NME7: variants seen among roughly 807,000 people sequenced by gnomAD.
The protein encoded by NME7 is NME/NM23 family member 7, also known as nucleoside diphosphate kinase 7.
NME7 carries 41 observed loss-of-function variants against 49.1 expected under a neutral mutation model. The observed-to-expected ratio is 0.83, with a 90% CI of 0.65 to 1.08. NME7 has a LOEUF of 1.08. NME7 is among the 50% of genes least tolerant of loss of function. The pLI is 0.00. For missense variants in NME7, 423 were observed against 463.4 expected, an observed-to-expected ratio of 0.91 and a Z score of 0.80; for synonymous variants, 139 against 150.6, an observed-to-expected ratio of 0.92 and a Z score of 0.56.
chr1:169,365,722 C>T (rs1010711856), intron 1 of NME7, among the ~76,000 whole-genome samples: 3 of 152,042 alleles, frequency 2.0e-5, no homozygotes, highest in Admixed American at 6.5e-5. Context: ...TTAAAAATTC[C>T]TTCTTGTGGC....
chr1:169,142,892 A>C (rs935398293), intron 11 of NME7, among the ~76,000 whole-genome samples: 2 of 152,204 alleles, frequency 1.3e-5, no homozygotes, highest in Non-Finnish European at 2.9e-5. Context: ...CAGGTCTCAG[A>C]GGATCAATTA....
At chr1:169,196,622 G>A (rs981537839) in intron 10 of NME7, among the ~76,000 whole-genome samples, 1 of 152,116 alleles carries the variant, frequency 6.6e-6, no homozygotes, top group Non-Finnish European at 1.5e-5. Flanking sequence ...ATTAATAAAG[G>A]CTTGAAATTT....
intron 7 of NME7, among the ~76,000 whole-genome samples, chr1:169,279,992 T>C (rs1480102910): frequency 6.6e-6 from 1 of 152,244 alleles, no homozygotes; most frequent in African/African-American, 2.4e-5. Flanking sequence ...ATGGGATTGC[T>C]GGGCCAAATG....
At chr1:169,337,476 C>G (rs1652527330) in intron 1 of NME7, among the ~76,000 whole-genome samples, 1 of 152,182 alleles carries the variant, frequency 6.6e-6, no homozygotes, top group Non-Finnish European at 1.5e-5. Context: ...CACCTCCCTG[C>G]AAGCTGAGGG....
At chr1:169,304,318 G>A (rs1651092121) in intron 4 of NME7, among the ~76,000 whole-genome samples, 1 of 152,174 alleles carries the variant, frequency 6.6e-6, no homozygotes. Flanking sequence ...ACAAATATAT[G>A]TAAACATTAA....
At chr1:169,351,741 C>G (rs1653181104) in intron 1 of NME7, among the ~76,000 whole-genome samples, 2 of 151,706 alleles carry the variant, frequency 1.3e-5, no homozygotes, top group African/African-American at 4.8e-5. Flanking sequence ...AAAAAGGAAA[C>G]ATTACAAATG....
chr1:169,349,957 G>A (rs984636105), intron 1 of NME7, among the ~76,000 whole-genome samples: 3 of 151,986 alleles, frequency 2.0e-5, no homozygotes, highest in African/African-American at 4.8e-5. Context: ...TTGGGAGGCC[G>A]AGGCAGATGG....
chr1:169,196,725 G>A (rs779920670), intron 10 of NME7, among the ~76,000 whole-genome samples: 2 of 152,134 alleles, frequency 1.3e-5, no homozygotes, highest in Non-Finnish European at 2.9e-5. Context: ...GCTGGTGAGT[G>A]GGAGCAAATC....
intron 1 of NME7, among the ~76,000 whole-genome samples, chr1:169,339,327 G>A (rs1652599079): frequency 6.6e-6 from 1 of 152,092 alleles, no homozygotes; most frequent in Non-Finnish European, 1.5e-5. Context: ...GTAACTCCAG[G>A]ACATGAGTTA....
At chr1:169,173,996 C>T (rs112004987) in intron 10 of NME7, among the ~76,000 whole-genome samples, 9 of 152,226 alleles carry the variant, frequency 5.9e-5, no homozygotes, top group African/African-American at 2.2e-4. Context: ...TTTCAAATTC[C>T]ACAAAATTCC....
Position 169,367,693 on chromosome 1 carries a change from TC to T in NME7, c.3+14del. 1 of 1,614,118 alleles carries T rather than the reference TC, an allele frequency of 6.2e-7. No individual in the cohort carries two copies. The highest frequency in any genetic ancestry group is 1.3e-5 in the African/African-American group (1 of 75,036). ...GGACCCCAGAGCCGTTCTTCTGGCA[TC>T]CCCTGGCACTCACCATTGTCTCAGG... is the stretch of plus-strand genomic sequence containing the variant. On this transcript the variant is annotated intron_variant, in intron 1 of 11. Coordinates refer to ENST00000367811, the MANE Select transcript of NME7 (RefSeq NM_013330.5).
chr1:169,277,257 T>A (rs989906000), intron 7 of NME7, among the ~76,000 whole-genome samples: 5 of 144,080 alleles, frequency 3.5e-5, no homozygotes, highest in African/African-American at 1.3e-4. Context: ...ACTTTCTGTC[T>A]CGTTGATCTG....
chr1:169,298,521 T>G (rs775138829), intron 6 of NME7, 35 bp downstream of exon 6: 1 of 1,594,184 alleles, frequency 6.3e-7, no homozygotes, highest in South Asian at 1.1e-5. Flanking sequence ...TTAACAGAAC[T>G]AGAAGAGCAT....
chr1:169,144,210 C>T (rs192210934), intron 11 of NME7, among the ~76,000 whole-genome samples: 4 of 152,114 alleles, frequency 2.6e-5, no homozygotes, highest in Admixed American at 2.0e-4. Context: ...GACTCCATCT[C>T]AGGAAACAAA....
chr1:169,324,573 T>C, intron 1 of NME7, 73 bp from the exon 2 acceptor site: 3 of 899,256 alleles, frequency 3.3e-6, no homozygotes, highest in South Asian at 1.5e-5. Flanking sequence ...TCACACAAAA[T>C]GAAATTACCA....
At chr1:169,244,622 T>A (rs12066426) in intron 7 of NME7, among the ~76,000 whole-genome samples, 1 of 137,490 alleles carries the variant, frequency 7.3e-6, no homozygotes, top group Non-Finnish European at 1.5e-5. Flanking sequence ...GACCACAGAC[T>A]GAGACTCCAT....
intron 10 of NME7, among the ~76,000 whole-genome samples, chr1:169,211,241 T>A (rs1190655190): frequency 6.6e-6 from 1 of 152,190 alleles, no homozygotes; most frequent in Non-Finnish European, 1.5e-5. Flanking sequence ...ACCACAGCAC[T>A]ATTTATCATG....
intron 7 of NME7, among the ~76,000 whole-genome samples, chr1:169,245,632 C>T (rs1648282200): frequency 6.6e-6 from 1 of 152,022 alleles, no homozygotes; most frequent in Non-Finnish European, 1.5e-5. Flanking sequence ...ATATTAATAA[C>T]CATAACCAAT....
intron 11 of NME7, among the ~76,000 whole-genome samples, chr1:169,145,419 G>A (rs1658719641): frequency 6.6e-6 from 1 of 152,116 alleles, no homozygotes; most frequent in South Asian, 2.1e-4. Context: ...CACTTACTCT[G>A]GTGCTCTTCT....
Sources: allele counts gnomAD v4.1 joint callset (sites outside exome capture counted in the v4.1 genomes callset), GRCh38; gene constraint gnomAD v4.1.1; transcripts MANE v1.5; gene names NCBI Gene and HGNC (gene_info 2026-07-23, HGNC 2026-07-21).